FCHSD2: variants seen among roughly 807,000 people sequenced by gnomAD.
FCHSD2 encodes F-BAR and double SH3 domains protein 2.
FCHSD2 carries 38 observed loss-of-function variants against 108.1 expected under a neutral mutation model. That is an observed-to-expected ratio of 0.35 (90% CI 0.27 to 0.46). FCHSD2 has a LOEUF of 0.46. FCHSD2 is among the 20% of genes least tolerant of loss of function. FCHSD2 has a pLI of 1.00. For synonymous variants in FCHSD2, 279 were observed against 314.7 expected (o/e 0.89, Z 1.20); for missense variants, 751 against 897.8 (o/e 0.84, Z 2.09).
At chr11:72,861,146 A>G (rs1861562293) in intron 13 of FCHSD2, among the ~76,000 whole-genome samples, 1 of 152,172 alleles carries the variant, frequency 6.6e-6, no homozygotes, top group Non-Finnish European at 1.5e-5. Flanking sequence ...ATAATTAATA[A>G]ACCTCTAGCA....
chr11:73,097,367 G>C (rs1239574175), intron 2 of FCHSD2, among the ~76,000 whole-genome samples: 2 of 150,316 alleles, frequency 1.3e-5, no homozygotes, highest in Admixed American at 1.3e-4. Flanking sequence ...TGTTTGTTTG[G>C]TTTATTTTAT....
chr11:72,962,918 G>A (rs1289239149), intron 8 of FCHSD2, among the ~76,000 whole-genome samples: 3 of 152,074 alleles, frequency 2.0e-5, no homozygotes, highest in Admixed American at 6.6e-5. Context: ...ATTACACAGT[G>A]GTTAAGAGAA....
intron 6 of FCHSD2, 89 bp downstream of exon 6, chr11:72,988,875 T>C (rs1796854832): frequency 9.3e-7 from 1 of 1,069,834 alleles, no homozygotes; most frequent in Admixed American, 2.6e-5. Context: ...TGAGAATGGG[T>C]CCATGCTCAC....
intron 2 of FCHSD2, among the ~76,000 whole-genome samples, chr11:73,125,680 A>G (rs1860837912): frequency 6.6e-6 from 1 of 152,108 alleles, no homozygotes; most frequent in Admixed American, 6.6e-5. Context: ...AACCTAGCCC[A>G]GACAACAGAG....
At chr11:73,038,203 G>A (rs1385429754) in intron 3 of FCHSD2, among the ~76,000 whole-genome samples, 1 of 151,948 alleles carries the variant, frequency 6.6e-6, no homozygotes, top group African/African-American at 2.4e-5. Context: ...TTAACTGGGC[G>A]TGGTAGTGCA....
intron 3 of FCHSD2, among the ~76,000 whole-genome samples, chr11:73,043,840 T>C (rs1220190025): frequency 6.6e-6 from 1 of 152,190 alleles, no homozygotes; most frequent in African/African-American, 2.4e-5. Context: ...ATTGAGGACT[T>C]GAGGCCCTAA....
chr11:73,113,046 C>A (rs1860525123), intron 2 of FCHSD2, among the ~76,000 whole-genome samples: 1 of 152,076 alleles, frequency 6.6e-6, no homozygotes, highest in African/African-American at 2.4e-5. Flanking sequence ...CTTCTCTGTG[C>A]ATTTCCAAAG....
intron 12 of FCHSD2, among the ~76,000 whole-genome samples, chr11:72,879,126 C>CA (rs944194455): frequency 6.6e-6 from 1 of 150,824 alleles, no homozygotes; most frequent in African/African-American, 2.4e-5. Context: ...CAAAACAAAA[C>CA]AAAAAAACAA....
At chr11:72,911,545 G>T (rs1186555649) in intron 9 of FCHSD2, among the ~76,000 whole-genome samples, 1 of 152,190 alleles carries the variant, frequency 6.6e-6, no homozygotes, top group African/African-American at 2.4e-5. Context: ...TTTTGAAAGA[G>T]ACTGCATTGA....
Position 72,838,762 on chromosome 11 carries a change from G to A in FCHSD2, c.*29C>T, listed in dbSNP as rs1201296069. 3 of 1,558,792 alleles carry A rather than the reference G, an allele frequency of 1.9e-6. No homozygotes were observed. The highest frequency in any genetic ancestry group is 2.6e-6 in the Non-Finnish European group (3 of 1,144,878). On this transcript the variant is annotated 3_prime_UTR_variant, in exon 20 of 20. Coordinates refer to ENST00000409418, the MANE Select transcript of FCHSD2 (RefSeq NM_014824.3). ...CCAAACTCCAAGCCTGGCCTTGATT[G>A]TAGCAGTAATGGATGGGCAAGCCCA...
chr11:72,838,938 A>C, intron 19 of FCHSD2, 64 bp from the exon 20 acceptor site: 2 of 1,436,662 alleles, frequency 1.4e-6, no homozygotes, highest in East Asian at 2.4e-5. Flanking sequence ...AAGCATCCCC[A>C]AAACCTAATC....
At chr11:72,905,666 T>C (rs773480721) in intron 9 of FCHSD2, among the ~76,000 whole-genome samples, 8 of 151,328 alleles carry the variant, frequency 5.3e-5, no homozygotes, top group Non-Finnish European at 1.2e-4. Context: ...TCAACTCCCA[T>C]CTATGAGTGA....
intron 2 of FCHSD2, among the ~76,000 whole-genome samples, chr11:73,138,266 A>G (rs1861167804): frequency 6.6e-6 from 1 of 152,244 alleles, no homozygotes; most frequent in South Asian, 2.1e-4. Context: ...CATTTTCTAC[A>G]AGTCAGCACA....
chr11:73,080,541 T>C (rs961162042), intron 3 of FCHSD2, among the ~76,000 whole-genome samples: 4 of 152,122 alleles, frequency 2.6e-5, no homozygotes, highest in Non-Finnish European at 4.4e-5. Flanking sequence ...CACAATTATA[T>C]TGAAAAGAGT....
chr11:72,896,889 C>T (rs546077998), intron 10 of FCHSD2, among the ~76,000 whole-genome samples: 65 of 151,652 alleles, frequency 4.3e-4, no homozygotes, highest in African/African-American at 1.5e-3. Flanking sequence ...TGCAGTGGCG[C>T]GATCTCGGCT....
At chr11:73,105,191 T>TG (rs1297801383) in intron 2 of FCHSD2, among the ~76,000 whole-genome samples, 1 of 152,148 alleles carries the variant, frequency 6.6e-6, no homozygotes, top group Admixed American at 6.5e-5. Flanking sequence ...TCTGGTTAGG[T>TG]GGGGGGAAGA....
chr11:73,108,122 T>A (rs1000829407), intron 2 of FCHSD2, among the ~76,000 whole-genome samples: 3 of 152,324 alleles, frequency 2.0e-5, no homozygotes, highest in Non-Finnish European at 4.4e-5. Flanking sequence ...ACTGGGGTAA[T>A]ATCTCATTGT....
At chr11:72,922,804 G>A (rs562759773) in intron 8 of FCHSD2, among the ~76,000 whole-genome samples, 1 of 152,176 alleles carries the variant, frequency 6.6e-6, no homozygotes, top group East Asian at 1.9e-4. Context: ...CCCAATATAA[G>A]TCACCATTTT....
intron 10 of FCHSD2, among the ~76,000 whole-genome samples, chr11:72,897,136 C>T (rs74572269): frequency 0.025 from 3,730 of 152,102 alleles, 147 homozygotes; most frequent in African/African-American, 0.086. Context: ...CCCGGCCGTC[C>T]TGTGGAAAGA....
Sources: allele counts gnomAD v4.1 joint callset (sites outside exome capture counted in the v4.1 genomes callset), GRCh38; gene constraint gnomAD v4.1.1; transcripts MANE v1.5; gene names NCBI Gene and HGNC (gene_info 2026-07-23, HGNC 2026-07-21).